MOSMO: variants seen among roughly 807,000 people sequenced by gnomAD.
MOSMO encodes modulator of smoothened protein.
Under a neutral mutation model 18.4 loss-of-function variants are expected in MOSMO, and 5 were observed. The ratio of observed to expected loss-of-function variants is 0.27; its 90% CI spans 0.14 to 0.57. The LOEUF is 0.57. Among genes scored for constraint, MOSMO ranks in the 20% least tolerant of loss-of-function variants. The pLI is 0.92. For missense variants in MOSMO, 138 were observed against 211.8 expected, an observed-to-expected ratio of 0.65 and a Z score of 2.16; for synonymous variants, 82 against 82.3, an observed-to-expected ratio of 1.00 and a Z score of 0.02.
rs1434395544 is a variant in MOSMO, at chr16:22,014,404, T to C, written c.106+5997T>C. On this transcript the variant is annotated intron_variant, in intron 1 of 2. Coordinates refer to ENST00000542527, the MANE Select transcript of MOSMO (RefSeq NM_001164579.2). Reference sequence around the variant, plus strand: ...TTGTGAGGAAGAGTTTTCATTTTCTTCAGGTCTAAAGATTGGCAGGTGTTC... The same window carrying C: ...TTGTGAGGAAGAGTTTTCATTTTCTCCAGGTCTAAAGATTGGCAGGTGTTC... 3.9e-5 allele frequency among the ~76,000 whole-genome samples: 6 copies of C among 152,182 alleles called. 1 individual carries two copies. The highest frequency in any genetic ancestry group is 3.9e-4 in the Admixed American group (6 of 15,272).
At chr16:22,050,036 C>T (rs1210200700) in intron 1 of MOSMO, among the ~76,000 whole-genome samples, 1 of 152,174 alleles carries the variant, frequency 6.6e-6, no homozygotes, top group African/African-American at 2.4e-5. Flanking sequence ...GTGGAAGTAT[C>T]ATTTCAAAAC....
At chr16:22,079,869 C>T (rs190084746) in intron 2 of MOSMO, among the ~76,000 whole-genome samples, 34 of 152,248 alleles carry the variant, frequency 2.2e-4, no homozygotes, top group African/African-American at 7.2e-4. Flanking sequence ...CTACAACCTC[C>T]ACCACCCAGG....
chr16:22,029,236 A>G (rs1048393763), intron 1 of MOSMO, among the ~76,000 whole-genome samples: 22 of 152,198 alleles, frequency 1.4e-4, no homozygotes. Flanking sequence ...GACATTTTAA[A>G]TACCTCCAAT....
chr16:22,063,325 T>C (rs1437768862), intron 1 of MOSMO, among the ~76,000 whole-genome samples: 1 of 152,250 alleles, frequency 6.6e-6, no homozygotes, highest in Non-Finnish European at 1.5e-5. Context: ...AGAGAAATGA[T>C]TTAAAGTTGT....
chr16:22,076,203 T>C (rs1900964571), intron 2 of MOSMO: 1 of 164,470 alleles, frequency 6.1e-6, no homozygotes, highest in Non-Finnish European at 1.3e-5. Flanking sequence ...CATTAAGCTC[T>C]GCCCAAGGGT....
intron 1 of MOSMO, among the ~76,000 whole-genome samples, chr16:22,024,015 A>ATATATATATATATATATATATATATATT (rs915616422): frequency 7.3e-6 from 1 of 136,358 alleles, no homozygotes; most frequent in African/African-American, 2.9e-5. Context: ...ATATATATAT[A>ATATATATATATATATATATATATATATT]TTTTCTTAAG....
At chr16:22,047,466 G>C (rs759574692) in intron 1 of MOSMO, among the ~76,000 whole-genome samples, 82 of 151,916 alleles carry the variant, frequency 5.4e-4, no homozygotes, top group Non-Finnish European at 9.1e-4. Context: ...GGATGGTCTT[G>C]ATCTCCTGAC....
intron 1 of MOSMO, among the ~76,000 whole-genome samples, chr16:22,037,864 C>T (rs1016927716): frequency 6.6e-6 from 1 of 152,204 alleles, no homozygotes; most frequent in Non-Finnish European, 1.5e-5. Context: ...CCCAGAAGCT[C>T]TTTGAGCCCA....
chr16:22,067,889 GAA>G lies in MOSMO; in HGVS notation c.107-7585_107-7584del, dbSNP rs71151660. Among the ~76,000 whole-genome samples, 254 of 132,952 alleles carry G rather than the reference GAA, an allele frequency of 1.9e-3. 2 individuals carry two copies. Among genetic ancestry groups the G allele is most frequent in the East Asian group, 0.01 (49 of 4,886 alleles). 87.2% of individuals were successfully genotyped at this position (132,952 alleles called of 152,430 possible). On this transcript the variant is annotated intron_variant, in intron 1 of 2. Coordinates refer to ENST00000542527, the MANE Select transcript of MOSMO (RefSeq NM_001164579.2). ...ATGAGACTCTGTCTCTAAAAAGAAA[GAA>G]AAAAAAAAAAAATCACTGTCAATCA...
chr16:22,090,771 T>C (rs1332844109), downstream of MOSMO, among the ~76,000 whole-genome samples: 1 of 152,214 alleles, frequency 6.6e-6, no homozygotes, highest in Non-Finnish European at 1.5e-5. Context: ...CATCATGATC[T>C]GCATCCCGAA....
rs562259043 is a variant in MOSMO at position 22,036,309 on chromosome 16, G to A, written c.106+27902G>A. Among the ~76,000 whole-genome samples the A allele has an allele frequency of 3.9e-5, 6 of 151,962 alleles. No individual in the cohort carries two copies. The South Asian group carries it at 1.2e-3, about 32-fold the overall frequency. On this transcript the variant is annotated intron_variant, in intron 1 of 2. Coordinates refer to ENST00000542527, the MANE Select transcript of MOSMO (RefSeq NM_001164579.2). ...GCCTGGCTAATTTTTGTATTTTTGTGGAGACAGGGTCTCCTGATATTGCCC... is the reference window on the plus strand; with the variant it reads ...GCCTGGCTAATTTTTGTATTTTTGTAGAGACAGGGTCTCCTGATATTGCCC...
At position 22,050,887 on chromosome 16, in the gene MOSMO, GAAAAA is replaced by G. The variant is rs34532029; in HGVS notation, c.107-24586_107-24582del. Among the ~76,000 whole-genome samples, 172 of 70,488 alleles carry G rather than the reference GAAAAA, an allele frequency of 2.4e-3. No individual in the cohort carries two copies. The Middle Eastern group carries it at 0.027, about 11-fold the overall frequency. 46.2% of individuals were successfully genotyped at this position (70,488 alleles called of 152,430 possible). A position where few individuals can be genotyped will look rare whatever the true frequency, so the allele number is the denominator to read the frequency against. On this transcript the variant is annotated intron_variant, in intron 1 of 2. Transcript: ENST00000542527. ...GACAAAGTGAGACTCTGTCTCTTAA[GAAAAA>G]AAAAAAAAAAAAAGTGAATGCTGCT... is the stretch of plus-strand genomic sequence containing the variant.
rs1899530004 is a variant in MOSMO, at chr16:22,011,619, T to C, written c.106+3212T>C. Among the ~76,000 whole-genome samples, 3 of 152,020 alleles carry C rather than the reference T, an allele frequency of 2.0e-5. No homozygotes were observed. The South Asian group carries it at 6.2e-4, about 32-fold the overall frequency. On this transcript the variant is annotated intron_variant, in intron 1 of 2. Transcript: ENST00000542527. ...ATGGCAGGGGATCGTAGGCACAAGG[T>C]CCAGAGTGTAACAGTGACAATGTGT...
intron 1 of MOSMO, among the ~76,000 whole-genome samples, chr16:22,054,410 T>C (rs1197517194): frequency 6.6e-6 from 1 of 152,184 alleles, no homozygotes; most frequent in Non-Finnish European, 1.5e-5. Flanking sequence ...AGACAAATTT[T>C]TGTTGAGAAG....
At chr16:22,038,624 C>T (rs1478349651) in intron 1 of MOSMO, among the ~76,000 whole-genome samples, 2 of 152,084 alleles carry the variant, frequency 1.3e-5, no homozygotes, top group African/African-American at 4.8e-5. Context: ...AGAAGGGTCA[C>T]TTGCTAGGAG....
chr16:22,045,571 G>A (rs538666159), intron 1 of MOSMO, among the ~76,000 whole-genome samples: 47 of 152,208 alleles, frequency 3.1e-4, no homozygotes, highest in African/African-American at 1.1e-3. Context: ...GTTTAAAAAG[G>A]TTTTAGTTAC....
At chr16:22,073,453 G>A (rs1900899505) in intron 1 of MOSMO, among the ~76,000 whole-genome samples, 2 of 152,020 alleles carry the variant, frequency 1.3e-5, no homozygotes, top group South Asian at 4.2e-4. Context: ...ATCAGGAGGA[G>A]TTTCCTGTTA....
chr16:22,057,242 A>G (rs906994980), intron 1 of MOSMO, among the ~76,000 whole-genome samples: 3 of 152,232 alleles, frequency 2.0e-5, no homozygotes, highest in South Asian at 2.1e-4. Context: ...TGGGAAGTCC[A>G]AGATCAAAGT....
At chr16:22,064,222 C>A in intron 1 of MOSMO, 1 of 443,630 alleles carries the variant, frequency 2.3e-6, no homozygotes, top group Non-Finnish European at 4.5e-6. Context: ...TTCTGTGAGG[C>A]TATGGGGTCA....
Sources: allele counts gnomAD v4.1 joint callset (sites outside exome capture counted in the v4.1 genomes callset), GRCh38; gene constraint gnomAD v4.1.1; transcripts MANE v1.5; gene names NCBI Gene and HGNC (gene_info 2026-07-23, HGNC 2026-07-21).